DHFR2: variants seen among roughly 807,000 people sequenced by gnomAD.
The protein encoded by DHFR2 is dihydrofolate reductase 2, mitochondrial.
A neutral mutation model predicts 12.0 loss-of-function variants in DHFR2; 11 were observed. That is an observed-to-expected ratio of 0.92 (90% CI 0.58 to 1.52). DHFR2 has a LOEUF of 1.52. Among genes scored for constraint, DHFR2 ranks in the 40% most tolerant of loss-of-function variants. The pLI, the probability that DHFR2 is intolerant of heterozygous loss-of-function variation, is 0.00. For missense variants in DHFR2, 188 were observed against 221.2 expected (o/e 0.85, Z 0.95); for synonymous variants, 87 against 79.6 (o/e 1.09, Z -0.49).
chr3:94,060,808 G>T lies in DHFR2; in HGVS notation c.*140C>A. The T allele has an allele frequency of 1.0e-6, 1 of 962,054 alleles. No homozygotes were observed. The highest frequency in any genetic ancestry group is 1.5e-6 in the Non-Finnish European group (1 of 658,484). 59.6% of individuals were successfully genotyped at this position (962,054 alleles called of 1,614,324 possible). On this transcript the variant is annotated 3_prime_UTR_variant, in exon 2 of 2. Transcript: ENST00000314636. ...CATAAATGGTATCTGATATAGCCAA[G>T]ATTAGTGAGGAATAAAAACACGTTG...
At chr3:94,062,933 G>T (rs1381029332), upstream of DHFR2, 3 of 579,284 alleles carry the variant, frequency 5.2e-6, no homozygotes, top group Admixed American at 5.9e-5. Flanking sequence ...GAAATCTCCC[G>T]CGGGAGCTAA....
rs1232764724 is a variant in DHFR2, at chr3:94,060,878, T to A, written c.*70A>T. ...AGATCTGAAGTCAACAAAAGTCCCT[T>A]TTCTAATGTAAAAATGCATACTTTT... On this transcript the variant is annotated 3_prime_UTR_variant, in exon 2 of 2. Coordinates refer to ENST00000314636, the MANE Select transcript of DHFR2 (RefSeq NM_176815.5). 39 of 1,529,862 alleles carry A rather than the reference T, an allele frequency of 2.5e-5. No homozygotes were observed. The highest frequency in any genetic ancestry group is 3.2e-5 in the Non-Finnish European group (36 of 1,131,282). 94.8% of individuals were successfully genotyped at this position (1,529,862 alleles called of 1,614,324 possible).
rs2077153356 is a variant in DHFR2, at chr3:94,058,252, T to C, written c.*2696A>G. On this transcript the variant is annotated 3_prime_UTR_variant, in exon 2 of 2. Coordinates refer to ENST00000314636, the MANE Select transcript of DHFR2 (RefSeq NM_176815.5). Reference sequence around the variant, plus strand: ...TTCTCTTAGTTTTTCCTTCTGGTAGTTACCTCCATGGGTTTTAAAAAATTA... The same window carrying C: ...TTCTCTTAGTTTTTCCTTCTGGTAGCTACCTCCATGGGTTTTAAAAAATTA... 1 of 152,206 alleles carries C rather than the reference T, an allele frequency of 6.6e-6. No homozygotes were observed. Among genetic ancestry groups the C allele is most frequent in the Non-Finnish European group, 1.5e-5 (1 of 68,026 alleles). 9.4% of individuals were successfully genotyped at this position (152,206 alleles called of 1,614,324 possible). A position where few individuals can be genotyped will look rare whatever the true frequency, so the allele number is the denominator to read the frequency against.
intron 1 of DHFR2, among the ~76,000 whole-genome samples, chr3:94,062,341 T>C (rs1280076209): frequency 6.6e-6 from 1 of 152,220 alleles, no homozygotes; most frequent in African/African-American, 2.4e-5. Flanking sequence ...CTAATCACTG[T>C]TGTAACCGCT....
intron 1 of DHFR2, among the ~76,000 whole-genome samples, chr3:94,061,891 G>T (rs948733291): frequency 2.0e-5 from 3 of 151,716 alleles, no homozygotes; most frequent in African/African-American, 7.3e-5. Flanking sequence ...TAGGTGACTT[G>T]GAAACTTGTT....
upstream of DHFR2, chr3:94,063,092 C>G: frequency 6.2e-7 from 1 of 1,613,780 alleles, no homozygotes; most frequent in East Asian, 2.2e-5. Context: ...TACTGATTCG[C>G]GTACACCTGT....
Position 94,061,002 on chromosome 3 carries a change from G to C in DHFR2, c.510C>G (p.Val170=), listed in dbSNP as rs2077169885. 6.2e-7 allele frequency: 1 copy of C among 1,613,772 alleles called. No individual in the cohort carries two copies. The highest frequency in any genetic ancestry group is 1.3e-5 in the African/African-American group (1 of 74,972). ...LPEYPGVLSD[V]QEGKHIKYKF... Reference sequence around the variant, plus strand: ...TGTACTTGATGTGTTTCCCCTCCTGGACATCAGAGAGAACACCTGGGTATT... The same window carrying C: ...TGTACTTGATGTGTTTCCCCTCCTGCACATCAGAGAGAACACCTGGGTATT... Residue 170 remains valine (V), a synonymous_variant, in exon 2 of 2, where the codon GTC becomes GTG. Coordinates refer to ENST00000314636, the MANE Select transcript of DHFR2 (RefSeq NM_176815.5).
At chr3:94,061,664 T>C (rs932421976) in intron 1 of DHFR2, 58 bp from the exon 2 acceptor site, 5 of 1,087,160 alleles carry the variant, frequency 4.6e-6, no homozygotes, top group Non-Finnish European at 5.9e-6. Flanking sequence ...GGAATGAACA[T>C]AGAAAAATAA....
In DHFR2 at chr3:94,060,611, GAAGGGTATGTGCATCTTCATCTTTAATA is replaced by G. The variant is rs1359941754; in HGVS notation, c.*309_*336del. 1 of 279,040 alleles carries G rather than the reference GAAGGGTATGTGCATCTTCATCTTTAATA, an allele frequency of 3.6e-6. No homozygotes were observed. Among genetic ancestry groups the G allele is most frequent in the African/African-American group, 2.2e-5 (1 of 45,812 alleles). The allele number at this position is 279,040 out of a possible 1,614,324, so 17.3% of individuals were successfully genotyped here. On this transcript the variant is annotated 3_prime_UTR_variant, in exon 2 of 2. Transcript: ENST00000314636. ...TTCCTACTAGTGAAACTGCTCAGCT[GAAGGGTATGTGCATCTTCATCTTTAATA>G]AATACTACCAACATTAGAAAAGCCT...
upstream of DHFR2, chr3:94,063,116 T>C (rs2077187318): frequency 1.9e-6 from 3 of 1,614,064 alleles, no homozygotes; most frequent in Non-Finnish European, 2.5e-6. Flanking sequence ...TTGAAAGCTC[T>C]CAGCGGGACA....
Position 94,061,421 on chromosome 3 carries a change from C to G in DHFR2, c.91G>C (p.Glu31Gln), listed in dbSNP as rs765814704. 1.2e-6 allele frequency: 2 copies of G among 1,614,190 alleles called. No homozygotes were observed. Among genetic ancestry groups the G allele is most frequent in the Admixed American group, 3.3e-5 (2 of 60,024 alleles). ...GTCATTCTCTGGAAATACCTGAATT[C>G]ATTCCTGAGCGGCGGCCTGGGCAGG... is the stretch of plus-strand genomic sequence containing the variant. The part of the protein sequence containing the change: ...GDLPRPPLRN[E>Q]FRYFQRMTTT... Residue 31 changes from glutamate (E) to glutamine (Q), a missense_variant, in exon 2 of 2, where the codon GAA becomes CAA. Glu to Gln is a conservative substitution (Grantham distance 29, BLOSUM62 2). Coordinates refer to ENST00000314636, the MANE Select transcript of DHFR2 (RefSeq NM_176815.5).
At chr3:94,063,271 T>A, upstream of DHFR2, 1 of 909,968 alleles carries the variant, frequency 1.1e-6, no homozygotes, top group South Asian at 1.3e-5. Flanking sequence ...AGCGTTTCTT[T>A]GGCTTTACTG....
At position 94,061,548 on chromosome 3, in the gene DHFR2, C is replaced by G; in HGVS notation, c.-37G>C. 1.2e-6 allele frequency: 2 copies of G among 1,610,160 alleles called. No individual in the cohort carries two copies. Among genetic ancestry groups the G allele is most frequent in the South Asian group, 1.1e-5 (1 of 90,564 alleles). Reference sequence around the variant, plus strand: ...TTAACACCTCCGAACTTGCTGGCTACGCCAGGAAGCCAGGCCAAGAATGCC... The same window carrying G: ...TTAACACCTCCGAACTTGCTGGCTAGGCCAGGAAGCCAGGCCAAGAATGCC... On this transcript the variant is annotated 5_prime_UTR_variant, in exon 2 of 2. Transcript: ENST00000314636.
rs1172653913 is a variant in DHFR2 at position 94,061,166 on chromosome 3, C to G, written c.346G>C (p.Val116Leu). Reference protein sequence around the residue: ...LANKVDMIWIVGGSSVYKEAM... With the variant: ...LANKVDMIWILGGSSVYKEAM... ...TCCTTATAAACAGAACTGCCACCAA[C>G]TATCCAAATCATGTCTACTTTATTT... The change falls in exon 2 of 2, where the codon GTT becomes CTT. Residue 116 changes from valine (V) to leucine (L), a missense_variant. By Grantham distance (32) the Val-to-Leu change is conservative. Coordinates refer to ENST00000314636, the MANE Select transcript of DHFR2 (RefSeq NM_176815.5). 8 of 1,613,872 alleles carry G rather than the reference C, an allele frequency of 5.0e-6. No homozygotes were observed. The highest frequency in any genetic ancestry group is 6.8e-6 in the Non-Finnish European group (8 of 1,179,882).
At chr3:94,063,250 C>G (rs1382500136), upstream of DHFR2, 2 of 1,049,546 alleles carry the variant, frequency 1.9e-6, no homozygotes. Flanking sequence ...TGTTCGTCCC[C>G]TCGCGAGATC....
chr3:94,060,864 C>T lies in DHFR2; in HGVS notation c.*84G>A. ...AAATAATTATCCATAGATCTGAAGT[C>T]AACAAAAGTCCCTTTTCTAATGTAA... On this transcript the variant is annotated 3_prime_UTR_variant, in exon 2 of 2. Coordinates refer to ENST00000314636, the MANE Select transcript of DHFR2 (RefSeq NM_176815.5). 6.2e-6 allele frequency: 9 copies of T among 1,453,454 alleles called. No individual in the cohort carries two copies. The highest frequency in any genetic ancestry group is 8.4e-6 in the Non-Finnish European group (9 of 1,069,240). 90.0% of individuals were successfully genotyped at this position (1,453,454 alleles called of 1,614,324 possible).
In DHFR2 at chr3:94,061,454, T is replaced by G; in HGVS notation, c.58A>C (p.Asn20His). The G allele has an allele frequency of 6.2e-7, 1 of 1,614,192 alleles. No individual in the cohort carries two copies. Among genetic ancestry groups the G allele is most frequent in the Non-Finnish European group, 8.5e-7 (1 of 1,180,040 alleles). The change falls in exon 2 of 2, where the codon AAC (asparagine) becomes CAC (histidine). Residue 20 changes from asparagine to histidine, a missense_variant. Coordinates refer to ENST00000314636, the MANE Select transcript of DHFR2 (RefSeq NM_176815.5). ...AVSQNMGIGK[N>H]GDLPRPPLRN... ...AGCGGCGGCCTGGGCAGGTCCCCGTTCTTGCCGATGCCCATGTTTTGGGAC... is the reference window on the plus strand; with the variant it reads ...AGCGGCGGCCTGGGCAGGTCCCCGTGCTTGCCGATGCCCATGTTTTGGGAC...
At chr3:94,062,642 A>T (rs2077182078) in intron 1 of DHFR2, 104 bp downstream of exon 1, 1 of 183,358 alleles carries the variant, frequency 5.5e-6, no homozygotes, top group African/African-American at 2.3e-5. Flanking sequence ...GCGACTTTTT[A>T]TTTATTTTTG....
upstream of DHFR2, chr3:94,063,043 A>G: frequency 6.8e-7 from 1 of 1,481,174 alleles, no homozygotes; most frequent in Non-Finnish European, 9.4e-7. Context: ...GAATCCCGGA[A>G]GTCAGACTGT....
Sources: allele counts gnomAD v4.1 joint callset (sites outside exome capture counted in the v4.1 genomes callset), GRCh38; gene constraint gnomAD v4.1.1; transcripts MANE v1.5; gene names NCBI Gene and HGNC (gene_info 2026-07-23, HGNC 2026-07-21).